Variants in AIG1 observed in about 807,000 individuals in gnomAD.
The protein encoded by AIG1 is androgen-induced gene 1 protein.
In AIG1, 23 loss-of-function variants were observed where a neutral mutation model predicts 31.4. That is an observed-to-expected ratio of 0.73 (90% CI 0.53 to 1.04). The LOEUF is 1.04. AIG1 is among the 50% of genes least tolerant of loss of function. The probability of loss-of-function intolerance (pLI) is 0.00; values close to 1 mark genes in which losing one functional copy is unlikely to be tolerated. For missense variants in AIG1, 274 were observed against 295.0 expected (o/e 0.93, Z 0.52); for synonymous variants, 100 against 110.5 (o/e 0.90, Z 0.60).
intron 1 of AIG1, among the ~76,000 whole-genome samples, chr6:143,117,104 C>G (rs1425026083): frequency 6.6e-6 from 1 of 152,052 alleles, no homozygotes; most frequent in African/African-American, 2.4e-5. Context: ...ACATACAGGG[C>G]CTCATTACAA....
downstream of AIG1, among the ~76,000 whole-genome samples, chr6:143,343,561 T>C (rs1184511436): frequency 1.3e-5 from 2 of 152,116 alleles, no homozygotes; most frequent in African/African-American, 4.8e-5. Flanking sequence ...AATGACATAG[T>C]TGTGACGTAA....
chr6:143,159,580 TG>T (rs1786134695), intron 2 of AIG1, among the ~76,000 whole-genome samples: 1 of 152,244 alleles, frequency 6.6e-6, no homozygotes, highest in Admixed American at 6.5e-5. Flanking sequence ...AGGAATTCCA[TG>T]TCATGCTTTT....
At position 143,216,306 on chromosome 6, in the gene AIG1, T is replaced by C. The variant is rs185005571; in HGVS notation, c.399+51123T>C. On this transcript the variant is annotated intron_variant, in intron 3 of 5. Transcript: ENST00000357847. ...GGCTTTTCTAAGTTTCTCAGTTCCATTATGTTCAGTTTGGAGGATTCCAGC... is the reference window on the plus strand; with the variant it reads ...GGCTTTTCTAAGTTTCTCAGTTCCACTATGTTCAGTTTGGAGGATTCCAGC... Among the ~76,000 whole-genome samples the C allele has an allele frequency of 2.8e-3, 431 of 152,302 alleles. 2 individuals are homozygous for C. The highest frequency in any genetic ancestry group is 9.7e-3 in the African/African-American group (403 of 41,556).
At chr6:143,188,205 T>A (rs1789450952) in intron 3 of AIG1, 1 of 995,170 alleles carries the variant, frequency 1.0e-6, no homozygotes, top group African/African-American at 1.7e-5. Flanking sequence ...TGCCCATCGA[T>A]ATGATTTAGA....
intron 1 of AIG1, among the ~76,000 whole-genome samples, chr6:143,136,541 G>A (rs1345985751): frequency 6.6e-6 from 1 of 152,132 alleles, no homozygotes; most frequent in Non-Finnish European, 1.5e-5. Flanking sequence ...TAATGGCCCT[G>A]CTGGTTTGAT....
chr6:143,115,103 T>C (rs1781625829), intron 1 of AIG1, among the ~76,000 whole-genome samples: 1 of 152,272 alleles, frequency 6.6e-6, no homozygotes, highest in Non-Finnish European at 1.5e-5. Context: ...AAGATTTAAA[T>C]AATGTCATTT....
intron 1 of AIG1, among the ~76,000 whole-genome samples, chr6:143,125,419 C>A (rs1782609865): frequency 6.6e-6 from 1 of 152,122 alleles, no homozygotes; most frequent in Non-Finnish European, 1.5e-5. Context: ...ACATAGCAAT[C>A]AATAATTATT....
chr6:143,332,283 T>A (rs747755679), intron 4 of AIG1, among the ~76,000 whole-genome samples: 2 of 152,176 alleles, frequency 1.3e-5, no homozygotes, highest in African/African-American at 4.8e-5. Flanking sequence ...AATAGAGTTA[T>A]CTGTATTTTA....
intron 1 of AIG1, among the ~76,000 whole-genome samples, chr6:143,092,962 A>C (rs767709920): frequency 2.6e-5 from 4 of 152,162 alleles, no homozygotes; most frequent in Non-Finnish European, 2.9e-5. Flanking sequence ...AGGTGGGAGC[A>C]TTGCTTGAGC....
chr6:143,069,095 A>C (rs1777003100), intron 1 of AIG1, among the ~76,000 whole-genome samples: 1 of 151,410 alleles, frequency 6.6e-6, no homozygotes. Context: ...GCTCACTGCA[A>C]CCTCCATCTC....
At chr6:143,143,528 A>AAAAT (rs1554249782) in intron 2 of AIG1, among the ~76,000 whole-genome samples, 3 of 27,794 alleles carry the variant, frequency 1.1e-4, no homozygotes, top group African/African-American at 1.9e-4. Flanking sequence ...AAAAAAAAAA[A>AAAAT]ATATATATAT....
chr6:143,172,597 G>A (rs770565884), intron 3 of AIG1, among the ~76,000 whole-genome samples: 4 of 152,122 alleles, frequency 2.6e-5, no homozygotes, highest in Non-Finnish European at 4.4e-5. Flanking sequence ...ATTTAGGGAG[G>A]ATTCCCTCTT....
At chr6:143,190,450 G>T (rs1404884029) in intron 3 of AIG1, 1 of 985,322 alleles carries the variant, frequency 1.0e-6, no homozygotes, top group Non-Finnish European at 1.2e-6. Flanking sequence ...GATGAGAGAA[G>T]TAGGGAGCTT....
At chr6:143,093,258 A>G (rs925074744) in intron 1 of AIG1, among the ~76,000 whole-genome samples, 3 of 152,158 alleles carry the variant, frequency 2.0e-5, no homozygotes, top group African/African-American at 7.2e-5. Context: ...TGCAACTTCT[A>G]CTTCAGCACT....
chr6:143,240,962 C>T lies in AIG1; in HGVS notation c.400-43148C>T, dbSNP rs569727406. ...CTCAGATGGAAATGATACACATTCC[C>T]GTTTGCTCTTAGCTTGTGGAGAAGT... On this transcript the variant is annotated intron_variant, in intron 3 of 5. Coordinates refer to ENST00000357847, the MANE Select transcript of AIG1 (RefSeq NM_016108.4). Among the ~76,000 whole-genome samples the T allele has an allele frequency of 3.2e-4, 48 of 152,204 alleles. No individual in the cohort carries two copies. The South Asian group carries it at 8.3e-3, about 26-fold the overall frequency.
intron 3 of AIG1, among the ~76,000 whole-genome samples, chr6:143,184,829 C>A (rs1206027267): frequency 1.3e-5 from 2 of 152,194 alleles, no homozygotes; most frequent in African/African-American, 4.8e-5. Flanking sequence ...CTTTATGCTT[C>A]TTTATCCGGG....
chr6:143,298,351 A>G lies in AIG1; in HGVS notation c.515+14126A>G, dbSNP rs1044755156. The stretch of plus-strand genomic sequence containing the variant: ...TCCCCTTATTCTCCCTTTGCCACAC[A>G]AAGTGTCTAGCCACACATGCTAAAC... On this transcript the variant is annotated intron_variant, in intron 4 of 5. Coordinates refer to ENST00000357847, the MANE Select transcript of AIG1 (RefSeq NM_016108.4). The surrounding 1 kb of genome is among the most constrained non-coding windows in gnomAD (Gnocchi z 5.1). 6.6e-6 allele frequency among the ~76,000 whole-genome samples: 1 copy of G among 152,234 alleles called. No homozygotes were observed. The highest frequency in any genetic ancestry group is 2.4e-5 in the African/African-American group (1 of 41,460).
At chr6:143,277,125 C>G (rs1010403850) in intron 3 of AIG1, among the ~76,000 whole-genome samples, 2 of 152,130 alleles carry the variant, frequency 1.3e-5, no homozygotes, top group African/African-American at 4.8e-5. Context: ...TCATGTTTTG[C>G]TAATGCAATG....
intron 3 of AIG1, among the ~76,000 whole-genome samples, chr6:143,211,409 A>T (rs1791579016): frequency 6.6e-6 from 1 of 152,226 alleles, no homozygotes; most frequent in South Asian, 2.1e-4. Context: ...CAGGATCCTG[A>T]GAGTGAATTC....
Sources: allele counts gnomAD v4.1 joint callset (sites outside exome capture counted in the v4.1 genomes callset), GRCh38; gene constraint gnomAD v4.1.1; non-coding constraint Gnocchi (gnomAD v3.1); transcripts MANE v1.5; gene names NCBI Gene and HGNC (gene_info 2026-07-23, HGNC 2026-07-21).